Variants in ARHGAP24 observed in about 807,000 individuals in gnomAD.
The protein encoded by ARHGAP24 is Rho GTPase activating protein 24.
Under a neutral mutation model 76.4 loss-of-function variants are expected in ARHGAP24, and 50 were observed. The observed-to-expected ratio is 0.65, with a 90% CI of 0.52 to 0.83. The LOEUF is 0.83. ARHGAP24 is among the 40% of genes least tolerant of loss of function. The pLI is 0.00. For synonymous variants in ARHGAP24, 345 were observed against 323.3 expected, an observed-to-expected ratio of 1.07 and a Z score of -0.72; for missense variants, 930 against 914.2, an observed-to-expected ratio of 1.02 and a Z score of -0.22.
At chr4:85,860,998 A>ACG (rs918335403) in intron 3 of ARHGAP24, among the ~76,000 whole-genome samples, 4 of 130,752 alleles carry the variant, frequency 3.1e-5, no homozygotes, top group African/African-American at 1.2e-4. Context: ...CTGTGCATGC[A>ACG]CGCACACACA....
intron 3 of ARHGAP24, among the ~76,000 whole-genome samples, chr4:85,783,645 T>C (rs1045549439): frequency 3.3e-5 from 5 of 152,112 alleles, no homozygotes; most frequent in Non-Finnish European, 5.9e-5. Context: ...AAGAGGTCAA[T>C]CATGTACCCC....
At chr4:85,546,427 G>A (rs1438500147) in intron 1 of ARHGAP24, among the ~76,000 whole-genome samples, 1 of 152,122 alleles carries the variant, frequency 6.6e-6, no homozygotes, top group African/African-American at 2.4e-5. Context: ...TTACCTCTAT[G>A]AGTTTTAACT....
intron 8 of ARHGAP24, 109 bp downstream of exon 8, chr4:85,977,800 G>A (rs558782220): frequency 7.6e-7 from 1 of 1,314,096 alleles, no homozygotes; most frequent in East Asian, 2.4e-5. Context: ...TGAATACATG[G>A]CAACTCCGTT....
intron 1 of ARHGAP24, among the ~76,000 whole-genome samples, chr4:85,564,466 C>T (rs950517801): frequency 1.2e-4 from 18 of 150,352 alleles, no homozygotes; most frequent in Non-Finnish European, 1.8e-4. Context: ...GGGTGCAGCA[C>T]ACCAACATGG....
At chr4:85,925,739 C>T (rs1735985199) in intron 4 of ARHGAP24, among the ~76,000 whole-genome samples, 2 of 151,950 alleles carry the variant, frequency 1.3e-5, no homozygotes, top group South Asian at 2.1e-4. Flanking sequence ...CTGAGATTTC[C>T]GGTGTCCAGT....
intron 3 of ARHGAP24, among the ~76,000 whole-genome samples, chr4:85,744,635 A>G (rs1268509849): frequency 6.6e-6 from 1 of 152,156 alleles, no homozygotes. Context: ...TAAACCCTCC[A>G]TCCTCCACCC....
At chr4:85,803,237 T>C (rs1019720889) in intron 3 of ARHGAP24, among the ~76,000 whole-genome samples, 4 of 152,210 alleles carry the variant, frequency 2.6e-5, no homozygotes, top group African/African-American at 9.6e-5. Flanking sequence ...CTGAGGCCCA[T>C]GTGTGAGAAC....
chr4:85,504,648 A>G (rs1723963476), intron 1 of ARHGAP24, among the ~76,000 whole-genome samples: 1 of 152,130 alleles, frequency 6.6e-6, no homozygotes, highest in South Asian at 2.1e-4. Context: ...AATACAGCAC[A>G]CTGATGGGTC....
At chr4:85,731,886 G>C (rs980728358) in intron 3 of ARHGAP24, among the ~76,000 whole-genome samples, 1 of 152,112 alleles carries the variant, frequency 6.6e-6, no homozygotes, top group Non-Finnish European at 1.5e-5. Context: ...ATGTGTCAAT[G>C]TTTTTTAATA....
chr4:85,897,195 C>CCCTG (rs1734226049), intron 3 of ARHGAP24, among the ~76,000 whole-genome samples: 1 of 149,112 alleles, frequency 6.7e-6, no homozygotes. Context: ...CCCAGCCTGG[C>CCCTG]CCTGCTCTTT....
At position 85,607,683 on chromosome 4, in the gene ARHGAP24, C is replaced by CT. The variant is rs1160443073; in HGVS notation, c.180+36976dup. Among the ~76,000 whole-genome samples the CT allele has an allele frequency of 9.1e-3, 1,125 of 123,246 alleles. 12 individuals are homozygous for CT. The highest frequency in any genetic ancestry group is 0.015 in the African/African-American group (492 of 32,172). The allele number at this position is 123,246 out of a possible 152,430, so 80.9% of individuals were successfully genotyped here. On this transcript the variant is annotated intron_variant, in intron 2 of 9. Coordinates refer to ENST00000395184, the MANE Select transcript of ARHGAP24 (RefSeq NM_001025616.3). ...GTCAAGCATTATTTTCTTTTCTTTT[C>CT]TTTTTTTTTTTTTTAAGAAACTTGG... is the stretch of plus-strand genomic sequence containing the variant.
chr4:85,931,337 A>C (rs1304129797), intron 4 of ARHGAP24, among the ~76,000 whole-genome samples: 1 of 152,048 alleles, frequency 6.6e-6, no homozygotes, highest in Admixed American at 6.5e-5. Flanking sequence ...TCCTCAGAGG[A>C]GGGGCCAGAG....
chr4:85,610,342 G>T (rs1161676503), intron 2 of ARHGAP24, among the ~76,000 whole-genome samples: 1 of 150,564 alleles, frequency 6.6e-6, no homozygotes, highest in Non-Finnish European at 1.5e-5. Flanking sequence ...TACTTGGGAG[G>T]CTGAGGCGGG....
At chr4:85,554,725 C>CA (rs1726280528) in intron 1 of ARHGAP24, among the ~76,000 whole-genome samples, 1 of 152,038 alleles carries the variant, frequency 6.6e-6, no homozygotes, top group Non-Finnish European at 1.5e-5. Flanking sequence ...GTTTGTAGTG[C>CA]AGTGGTGCTA....
intron 3 of ARHGAP24, among the ~76,000 whole-genome samples, chr4:85,759,054 C>G (rs1726635915): frequency 6.6e-6 from 1 of 152,164 alleles, no homozygotes; most frequent in Non-Finnish European, 1.5e-5. Flanking sequence ...CTTTAATTCC[C>G]AAATTTGATT....
intron 2 of ARHGAP24, among the ~76,000 whole-genome samples, chr4:85,606,580 C>T (rs1379542227): frequency 1.3e-5 from 2 of 152,050 alleles, no homozygotes; most frequent in South Asian, 4.2e-4. Context: ...AGTCTAGAAT[C>T]TACTACCAAT....
chr4:85,939,369 T>G (rs1316721056), intron 4 of ARHGAP24, among the ~76,000 whole-genome samples: 1 of 152,154 alleles, frequency 6.6e-6, no homozygotes, highest in Admixed American at 6.6e-5. Context: ...AAGCAAAGAT[T>G]TTAAAGCTAA....
At chr4:85,495,120 A>T (rs1222305173) in intron 1 of ARHGAP24, among the ~76,000 whole-genome samples, 1 of 149,418 alleles carries the variant, frequency 6.7e-6, no homozygotes, top group Non-Finnish European at 1.5e-5. Context: ...AAAAAGAGTG[A>T]CCTGAGCCAA....
chr4:85,833,646 T>A (rs1220370243), intron 3 of ARHGAP24, among the ~76,000 whole-genome samples: 1 of 152,236 alleles, frequency 6.6e-6, no homozygotes, highest in Non-Finnish European at 1.5e-5. Context: ...CCCAGTTATA[T>A]TTGGAATTTC....
Sources: allele counts gnomAD v4.1 joint callset (sites outside exome capture counted in the v4.1 genomes callset), GRCh38; gene constraint gnomAD v4.1.1; transcripts MANE v1.5; gene names NCBI Gene and HGNC (gene_info 2026-07-23, HGNC 2026-07-21).